The following SBF2 variants were observed in gnomAD, a reference collection of about 807,000 sequenced individuals.
The protein encoded by SBF2 is myotubularin-related protein 13.
Under a neutral mutation model 225.2 loss-of-function variants are expected in SBF2, and 112 were observed. The observed-to-expected ratio is 0.50, with a 90% CI of 0.43 to 0.58. The LOEUF is 0.58. SBF2 is among the 20% of genes least tolerant of loss of function. The pLI, the probability that SBF2 is intolerant of heterozygous loss-of-function variation, is 0.00. For synonymous variants in SBF2, 763 were observed against 773.3 expected, an observed-to-expected ratio of 0.99 and a Z score of 0.22; for missense variants, 1,996 against 2,206.2, an observed-to-expected ratio of 0.90 and a Z score of 1.91.
intron 2 of SBF2, among the ~76,000 whole-genome samples, chr11:10,175,229 G>C (rs1266786844): frequency 2.1e-4 from 32 of 151,766 alleles, no homozygotes; most frequent in African/African-American, 5.1e-4. Context: ...ATTGGATAAA[G>C]AGTCAAGACC....
At chr11:10,193,845 A>G (rs961559179) in intron 2 of SBF2, 57 bp downstream of exon 2, 1 of 1,141,130 alleles carries the variant, frequency 8.8e-7, no homozygotes, top group African/African-American at 1.5e-5. Flanking sequence ...GTAAAAATCA[A>G]TGTGACAAAA....
At chr11:10,291,657 A>AAC (rs10580039) in intron 1 of SBF2, among the ~76,000 whole-genome samples, 6,486 of 145,986 alleles carry the variant, frequency 0.044, 232 homozygotes, top group African/African-American at 0.11. Flanking sequence ...TAATCCACTA[A>AAC]ACACACACAC....
chr11:10,240,624 G>A (rs1959195259), intron 1 of SBF2, among the ~76,000 whole-genome samples: 1 of 152,126 alleles, frequency 6.6e-6, no homozygotes, highest in African/African-American at 2.4e-5. Flanking sequence ...ATTGCAACTG[G>A]TTGAATTACC....
At chr11:10,194,013 T>C (rs749849196) in intron 1 of SBF2, 26 bp from the exon 2 acceptor site, 3 of 1,452,606 alleles carry the variant, frequency 2.1e-6, no homozygotes, top group Admixed American at 1.7e-5. Flanking sequence ...AAGTGAATCA[T>C]TATTATAGGA....
At chr11:10,274,483 G>A (rs917189656) in intron 1 of SBF2, among the ~76,000 whole-genome samples, 6 of 152,010 alleles carry the variant, frequency 3.9e-5, no homozygotes, top group African/African-American at 1.2e-4. Context: ...CAGAGTAGTC[G>A]CTCACGCCTA....
rs1260685462 is a variant in SBF2, at chr11:9,967,971, C to CTCTCTCTCTCTCTCTATATATATA, written c.1600+369_1600+370insTATATATATAGAGAGAGAGAGAGA. Among the ~76,000 whole-genome samples, 47 of 91,484 alleles carry CTCTCTCTCTCTCTCTATATATATA rather than the reference C, an allele frequency of 5.1e-4. 1 individual carries two copies. Among genetic ancestry groups the CTCTCTCTCTCTCTCTATATATATA allele is most frequent in the Admixed American group, 2.0e-3 (16 of 7,904 alleles). The allele number at this position is 91,484 out of a possible 152,430, so 60.0% of individuals were successfully genotyped here. On this transcript the variant is annotated intron_variant, in intron 14 of 39. Coordinates refer to ENST00000256190, the MANE Select transcript of SBF2 (RefSeq NM_030962.4). ...TGTCTCTCTCTCTCTCTCTCTCTCT[C>CTCTCTCTCTCTCTCTATATATATA]TATATATATATATATATATAAAATA...
intron 28 of SBF2, among the ~76,000 whole-genome samples, chr11:9,822,062 T>C (rs567794737): frequency 6.6e-6 from 1 of 152,278 alleles, no homozygotes; most frequent in African/African-American, 2.4e-5. Context: ...ACAACTAACA[T>C]CTATTAAAAT....
At chr11:9,963,658 G>T in intron 15 of SBF2, 115 bp downstream of exon 15, 1 of 657,090 alleles carries the variant, frequency 1.5e-6, no homozygotes, top group Non-Finnish European at 2.7e-6. Context: ...ACAATGAGAG[G>T]ATACTTTATT....
intron 16 of SBF2, among the ~76,000 whole-genome samples, chr11:9,923,327 C>T (rs1269736092): frequency 6.6e-6 from 1 of 151,996 alleles, no homozygotes; most frequent in Admixed American, 6.6e-5. Flanking sequence ...ACAACAACAA[C>T]AACAACAAAA....
chr11:9,883,495 C>T (rs1360541688), intron 17 of SBF2, among the ~76,000 whole-genome samples: 1 of 152,158 alleles, frequency 6.6e-6, no homozygotes, highest in Non-Finnish European at 1.5e-5. Context: ...TGAAATCAGA[C>T]TAACTCTCAA....
rs532180244 is a variant in SBF2 at position 10,160,415 on chromosome 11, T to C, written c.141+33487A>G. Among the ~76,000 whole-genome samples, 5 of 152,032 alleles carry C rather than the reference T, an allele frequency of 3.3e-5. No homozygotes were observed. The East Asian group carries it at 9.7e-4, about 29-fold the overall frequency. On this transcript the variant is annotated intron_variant, in intron 2 of 39. Transcript: ENST00000256190. ...CAGTGAGTGCTTCAAGTTTTTGCTA[T>C]ATGGGCCAAAAAGATCTGGCCAGAG...
At chr11:10,296,492 G>GC (rs1327611459), upstream of SBF2, among the ~76,000 whole-genome samples, 1 of 151,974 alleles carries the variant, frequency 6.6e-6, no homozygotes, top group African/African-American at 2.4e-5. Context: ...AGAAAGACCC[G>GC]CCCCCATGAT....
chr11:9,942,582 G>A (rs1240662284), intron 16 of SBF2, among the ~76,000 whole-genome samples: 2 of 152,164 alleles, frequency 1.3e-5, no homozygotes, highest in Admixed American at 6.6e-5. Flanking sequence ...ACAGCATGGG[G>A]GCTTGCCCTG....
At chr11:10,298,281 C>T (rs1193317098), upstream of SBF2, among the ~76,000 whole-genome samples, 6 of 152,146 alleles carry the variant, frequency 3.9e-5, no homozygotes. Context: ...ATCCCAGCTA[C>T]TTGGGAGGCT....
rs190529613 is a variant in SBF2, at chr11:9,876,365, G to C, written c.1930-17969C>G. Among the ~76,000 whole-genome samples, 14 of 152,214 alleles carry C rather than the reference G, an allele frequency of 9.2e-5. No individual in the cohort carries two copies. The East Asian group carries it at 2.7e-3, about 29-fold the overall frequency. ...ACTATGTGTTATAAACTGAATGTTT[G>C]TGTCCCCCTTAAATTCATATGTTGA... On this transcript the variant is annotated intron_variant, in intron 17 of 39. Transcript: ENST00000256190.
chr11:10,249,051 G>A (rs1280108638), intron 1 of SBF2, among the ~76,000 whole-genome samples: 4 of 151,780 alleles, frequency 2.6e-5, no homozygotes, highest in Non-Finnish European at 4.4e-5. Context: ...AGCCGAGATC[G>A]TGTCACTGCA....
At position 10,133,496 on chromosome 11, in the gene SBF2, T is replaced by A. The variant is rs542753399; in HGVS notation, c.141+60406A>T. Among the ~76,000 whole-genome samples the A allele has an allele frequency of 2.9e-3, 393 of 136,864 alleles. 28 individuals carry two copies. Among genetic ancestry groups the A allele is most frequent in the African/African-American group, 9.7e-3 (382 of 39,498 alleles). The allele number at this position is 136,864 out of a possible 152,430, so 89.8% of individuals were successfully genotyped here. A position where few individuals can be genotyped will look rare whatever the true frequency, so the allele number is the denominator to read the frequency against. ...AGCGAGAAATCGAACGCAGTGCCGG[T>A]GGGCCAGCACTGCTGGGGGACTCAG... On this transcript the variant is annotated intron_variant, in intron 2 of 39. Coordinates refer to ENST00000256190, the MANE Select transcript of SBF2 (RefSeq NM_030962.4).
chr11:9,829,262 A>G, intron 28 of SBF2, 94 bp downstream of exon 28: 1 of 1,387,304 alleles, frequency 7.2e-7, no homozygotes, highest in Non-Finnish European at 1.0e-6. Context: ...GTGAAGGAAC[A>G]GTACAAATAA....
chr11:9,903,805 G>A (rs4910076), intron 16 of SBF2, among the ~76,000 whole-genome samples: 41,162 of 151,978 alleles, frequency 0.27, 6,465 homozygotes, highest in African/African-American at 0.43. Flanking sequence ...GAAGTTGTAT[G>A]CACGCCCATC....
Sources: gnomAD v4.1 joint callset for allele counts (sites outside exome capture counted in the v4.1 genomes callset) on GRCh38, gnomAD v4.1.1 for gene constraint, MANE v1.5 for transcripts, NCBI Gene and HGNC (gene_info 2026-07-23, HGNC 2026-07-21) for gene names.